ZDHHC6: variants seen among roughly 807,000 people sequenced by gnomAD.
ZDHHC6 encodes the protein palmitoyltransferase ZDHHC6.
In ZDHHC6, 32 loss-of-function variants were observed where a neutral mutation model predicts 57.8. That is an observed-to-expected ratio of 0.55 (90% CI 0.42 to 0.74). The LOEUF is 0.74. Ranked by LOEUF, ZDHHC6 falls within the 30% of genes least tolerant of loss-of-function variation. The pLI is 0.00. For missense variants in ZDHHC6, 433 were observed against 500.7 expected (o/e 0.86, Z 1.29); for synonymous variants, 128 against 158.0 (o/e 0.81, Z 1.42).
chr10:112,428,702 C>T (rs1485434634), downstream of ZDHHC6, among the ~76,000 whole-genome samples: 2 of 151,258 alleles, frequency 1.3e-5, no homozygotes, highest in Non-Finnish European at 2.9e-5. Context: ...ACCCGAGAGG[C>T]GGAGCTTGCA....
chr10:112,445,373 A>T lies in ZDHHC6; in HGVS notation c.64T>A (p.Trp22Arg), dbSNP rs781479718. 6.2e-6 allele frequency: 10 copies of T among 1,614,122 alleles called. No homozygotes were observed. Among genetic ancestry groups the T allele is most frequent in the Non-Finnish European group, 8.5e-6 (10 of 1,180,042 alleles). ...NLQELKRLCH[W>R]GPIIALGVIA... Reference sequence around the variant, plus strand: ...ACACCAAGGGCTATGATGGGACCCCAGTGACACAGTCTCTTTAATTCTTGT... The same window carrying T: ...ACACCAAGGGCTATGATGGGACCCCTGTGACACAGTCTCTTTAATTCTTGT... The change falls in exon 2 of 11, where the codon TGG becomes AGG. Residue 22 changes from tryptophan (W) to arginine (R), a missense_variant. Trp to Arg is a moderately radical substitution (Grantham distance 101). Coordinates refer to ENST00000369405, the MANE Select transcript of ZDHHC6 (RefSeq NM_022494.3).
At chr10:112,426,109 A>G, downstream of ZDHHC6, 1 of 603,260 alleles carries the variant, frequency 1.7e-6, no homozygotes, top group East Asian at 3.0e-5. Context: ...GGTGTTGAAA[A>G]TATATGGTGA....
chr10:112,429,628 T>C (rs947253097), downstream of ZDHHC6, among the ~76,000 whole-genome samples: 3 of 152,224 alleles, frequency 2.0e-5, no homozygotes, highest in Non-Finnish European at 2.9e-5. Context: ...TCCACTGTTA[T>C]GTTTAGACAA....
chr10:112,447,029 T>C, upstream of ZDHHC6: 1 of 285,704 alleles, frequency 3.5e-6, no homozygotes, highest in Non-Finnish European at 6.9e-6. Context: ...CCGGAGCCGA[T>C]TCCCAGAACA....
chr10:112,447,156 G>C (rs1846855740), upstream of ZDHHC6: 2 of 530,314 alleles, frequency 3.8e-6, no homozygotes, highest in East Asian at 5.8e-5. Flanking sequence ...TTATCTTAAA[G>C]TCGGAGCGGA....
At position 112,435,393 on chromosome 10, in the gene ZDHHC6, A is replaced by T. The variant is rs1459043293; in HGVS notation, c.736-929T>A. Reference sequence around the variant, plus strand: ...CCCGTTCTGAAATAATTTCTAGTCTATGGCCATACCATTCAGCATACTCAA... The same window carrying T: ...CCCGTTCTGAAATAATTTCTAGTCTTTGGCCATACCATTCAGCATACTCAA... On this transcript the variant is annotated intron_variant, in intron 6 of 10. Coordinates refer to ENST00000369405, the MANE Select transcript of ZDHHC6 (RefSeq NM_022494.3). Among the ~76,000 whole-genome samples, 4 of 152,188 alleles carry T rather than the reference A, an allele frequency of 2.6e-5. 1 individual carries two copies. The highest frequency in any genetic ancestry group is 6.5e-5 in the Admixed American group (1 of 15,278).
At chr10:112,437,119 GC>G (rs775366445) in intron 6 of ZDHHC6, among the ~76,000 whole-genome samples, 73 of 151,914 alleles carry the variant, frequency 4.8e-4, no homozygotes, top group Non-Finnish European at 8.1e-4. Flanking sequence ...AAAAATTAAG[GC>G]TTTCAAATGT....
intron 9 of ZDHHC6, 34 bp downstream of exon 9, chr10:112,432,342 T>C (rs1845123076): frequency 1.2e-6 from 2 of 1,609,320 alleles, no homozygotes; most frequent in Non-Finnish European, 1.7e-6. Flanking sequence ...AATTTTGTCC[T>C]TGAAGAAGAA....
chr10:112,425,255 A>G (rs1299666251), exon 12 of ZDHHC6: 2 of 1,269,174 alleles, frequency 1.6e-6, no homozygotes, highest in Non-Finnish European at 1.1e-6. Flanking sequence ...TAGAGAAGAA[A>G]GATGACTGTG....
intron 5 of ZDHHC6, among the ~76,000 whole-genome samples, chr10:112,438,650 C>T (rs1187557890): frequency 6.6e-6 from 1 of 151,910 alleles, no homozygotes; most frequent in Admixed American, 6.6e-5. Flanking sequence ...GTTAATCAAA[C>T]TTTATGTCAT....
chr10:112,435,023 T>A (rs2133807732), intron 6 of ZDHHC6, among the ~76,000 whole-genome samples: 1 of 152,362 alleles, frequency 6.6e-6, no homozygotes, highest in South Asian at 2.1e-4. Context: ...TTTTTAAAGC[T>A]AGCAGATATA....
chr10:112,440,005 T>C (rs1206703014), intron 5 of ZDHHC6, among the ~76,000 whole-genome samples: 2 of 152,132 alleles, frequency 1.3e-5, no homozygotes, highest in Non-Finnish European at 2.9e-5. Flanking sequence ...ATTACTATTA[T>C]TAAATATATA....
chr10:112,443,356 G>C (rs1487701579), intron 3 of ZDHHC6, among the ~76,000 whole-genome samples, 159 bp downstream of exon 3: 1 of 152,166 alleles, frequency 6.6e-6, no homozygotes, highest in African/African-American at 2.4e-5. Context: ...GATAATTTAA[G>C]TATAAAATGG....
chr10:112,436,953 C>T (rs1845594098), intron 6 of ZDHHC6, among the ~76,000 whole-genome samples: 1 of 152,066 alleles, frequency 6.6e-6, no homozygotes, highest in African/African-American at 2.4e-5. Context: ...AGCTGTAGAG[C>T]CAGCTTTTTT....
At chr10:112,432,654 C>G in intron 8 of ZDHHC6, 133 bp from the exon 9 acceptor site, 1 of 1,057,216 alleles carries the variant, frequency 9.5e-7, no homozygotes, top group Non-Finnish European at 1.3e-6. Context: ...CTAGGGGAAC[C>G]TCCCAGTTCC....
chr10:112,447,041 G>A (rs1846841373), upstream of ZDHHC6: 1 of 285,714 alleles, frequency 3.5e-6, no homozygotes, highest in African/African-American at 2.1e-5. Context: ...CCCAGAACAC[G>A]AAGGGGGGAA....
intron 2 of ZDHHC6, among the ~76,000 whole-genome samples, chr10:112,444,247 TCTA>T (rs1489266483): frequency 3.7e-4 from 57 of 152,250 alleles, no homozygotes; most frequent in Non-Finnish European, 1.5e-5. Context: ...CACAGGGCTG[TCTA>T]CTGTTTCTGA....
At chr10:112,436,447 G>C (rs1417975483) in intron 6 of ZDHHC6, among the ~76,000 whole-genome samples, 1 of 152,208 alleles carries the variant, frequency 6.6e-6, no homozygotes, top group Admixed American at 6.5e-5. Context: ...CTGCACTCCA[G>C]CCTGGGCAAC....
chr10:112,426,434 G>A, downstream of ZDHHC6: 1 of 1,278,986 alleles, frequency 7.8e-7, no homozygotes. Flanking sequence ...ACCAGTTCCT[G>A]CATCTGTCAC....
Sources: allele counts gnomAD v4.1 joint callset (sites outside exome capture counted in the v4.1 genomes callset), GRCh38; gene constraint gnomAD v4.1.1; transcripts MANE v1.5; gene names NCBI Gene and HGNC (gene_info 2026-07-23, HGNC 2026-07-21).